The following YWHAG variants were observed in gnomAD, a reference collection of about 807,000 sequenced individuals.
YWHAG encodes tyrosine 3-monooxygenase/tryptophan 5-monooxygenase activation protein gamma, also known as 14-3-3 protein gamma.
YWHAG carries 1 observed loss-of-function variant against 23.3 expected under a neutral mutation model. That is an observed-to-expected ratio of 0.04 (90% CI 0.02 to 0.20). The LOEUF is 0.20. YWHAG is among the 10% of genes least tolerant of loss of function. The pLI is 1.00. For missense variants in YWHAG, 151 were observed against 338.6 expected (o/e 0.45, Z 4.35); for synonymous variants, 160 against 144.0 (o/e 1.11, Z -0.80).
At chr7:76,349,198 C>T (rs1370240697) in intron 1 of YWHAG, among the ~76,000 whole-genome samples, 2 of 151,794 alleles carry the variant, frequency 1.3e-5, no homozygotes, top group African/African-American at 4.8e-5. Context: ...AAAAGTTAGC[C>T]GGGCGTGGTG....
intron 1 of YWHAG, among the ~76,000 whole-genome samples, chr7:76,341,305 G>A (rs1803689900): frequency 6.8e-6 from 1 of 146,160 alleles, no homozygotes; most frequent in Non-Finnish European, 1.5e-5. Flanking sequence ...TCAGGAGGCT[G>A]AGACACGAGA....
At position 76,336,497 on chromosome 7, in the gene YWHAG, C is replaced by A. The variant is rs543749393; in HGVS notation, c.88-6264G>T. ...CTGAGACAGAGTTTCACTCTGTCACCCAGGCTGGAGTGTGATGGCACGATC... is the reference window on the plus strand; with the variant it reads ...CTGAGACAGAGTTTCACTCTGTCACACAGGCTGGAGTGTGATGGCACGATC... On this transcript the variant is annotated intron_variant, in intron 1 of 1. Transcript: ENST00000307630. Among the ~76,000 whole-genome samples, 95 of 149,740 alleles carry A rather than the reference C, an allele frequency of 6.3e-4. 1 individual carries two copies. Among genetic ancestry groups the A allele is most frequent in the African/African-American group, 2.3e-3 (94 of 40,366 alleles).
At chr7:76,347,742 A>G (rs1007773384) in intron 1 of YWHAG, among the ~76,000 whole-genome samples, 22 of 152,202 alleles carry the variant, frequency 1.4e-4, no homozygotes, top group African/African-American at 4.6e-4. Flanking sequence ...AAACTATATT[A>G]TTCTGGTTTT....
chr7:76,332,517 A>T (rs1458121252), intron 1 of YWHAG, among the ~76,000 whole-genome samples: 5 of 152,084 alleles, frequency 3.3e-5, no homozygotes, highest in Admixed American at 3.3e-4. Context: ...GACAAATAAG[A>T]AAGTCTTTTT....
chr7:76,339,891 C>A (rs1803665653), intron 1 of YWHAG, among the ~76,000 whole-genome samples: 1 of 152,088 alleles, frequency 6.6e-6, no homozygotes, highest in South Asian at 2.1e-4. Flanking sequence ...GAGTTCGAGA[C>A]CAGGCTGGCC....
intron 1 of YWHAG, among the ~76,000 whole-genome samples, chr7:76,355,797 C>T (rs370417361): frequency 6.6e-5 from 10 of 152,104 alleles, no homozygotes; most frequent in East Asian, 5.8e-4. Flanking sequence ...AATTAGTAAC[C>T]CTGAACCTTT....
intron 1 of YWHAG, among the ~76,000 whole-genome samples, chr7:76,354,350 A>G (rs758929398): frequency 2.6e-5 from 4 of 151,894 alleles, no homozygotes; most frequent in Non-Finnish European, 5.9e-5. Flanking sequence ...GTCTCTATCA[A>G]AACTACAAAA....
At chr7:76,358,179 A>G (rs879783814) in intron 1 of YWHAG, among the ~76,000 whole-genome samples, 1 of 152,008 alleles carries the variant, frequency 6.6e-6, no homozygotes, top group Non-Finnish European at 1.5e-5. Flanking sequence ...GAGACCCTAT[A>G]CAATGTTTCT....
intron 1 of YWHAG, among the ~76,000 whole-genome samples, chr7:76,341,396 T>G (rs1465153578): frequency 3.8e-5 from 4 of 104,404 alleles, no homozygotes; most frequent in Non-Finnish European, 7.1e-5. Flanking sequence ...AGGACAAGAC[T>G]CTTGCCTCAA....
In YWHAG at chr7:76,329,404, A is replaced by T; in HGVS notation, c.*173T>A. 3 of 760,132 alleles carry T rather than the reference A, an allele frequency of 3.9e-6. No homozygotes were observed. The highest frequency in any genetic ancestry group is 6.2e-6 in the Non-Finnish European group (3 of 486,376). The allele number at this position is 760,132 out of a possible 1,614,324, so 47.1% of individuals were successfully genotyped here. A position where few individuals can be genotyped will look rare whatever the true frequency, so the allele number is the denominator to read the frequency against. ...AGCACAGCTAGCCTGACTTTCCACT[A>T]GTGGTATTTTGGCAAAAATGTCAAA... On this transcript the variant is annotated 3_prime_UTR_variant, in exon 2 of 2. Transcript: ENST00000307630. The surrounding 1 kb of genome is among the most constrained non-coding windows in gnomAD (Gnocchi z 6.1).
At chr7:76,342,084 T>C (rs1185791520) in intron 1 of YWHAG, among the ~76,000 whole-genome samples, 1 of 152,226 alleles carries the variant, frequency 6.6e-6, no homozygotes, top group Non-Finnish European at 1.5e-5. Flanking sequence ...CTCTTACATT[T>C]AATCCTCCTC....
intron 1 of YWHAG, among the ~76,000 whole-genome samples, chr7:76,331,197 A>G (rs1280864322): frequency 1.3e-5 from 2 of 152,112 alleles, no homozygotes; most frequent in East Asian, 3.9e-4. Context: ...AGATCACTGC[A>G]GCCTCAACCT....
intron 1 of YWHAG, among the ~76,000 whole-genome samples, chr7:76,341,702 G>T (rs1031725311): frequency 2.6e-5 from 4 of 151,326 alleles, no homozygotes; most frequent in African/African-American, 9.7e-5. Flanking sequence ...CATAGAAATA[G>T]AAAGCAGATT....
chr7:76,338,943 G>T (rs958296619), intron 1 of YWHAG, among the ~76,000 whole-genome samples: 6 of 152,182 alleles, frequency 3.9e-5, no homozygotes, highest in African/African-American at 1.4e-4. Flanking sequence ...AAGCAGTCAA[G>T]GTTGATTAGG....
intron 1 of YWHAG, 99 bp from the exon 2 acceptor site, chr7:76,330,332 G>A: frequency 7.9e-7 from 1 of 1,260,134 alleles, no homozygotes; most frequent in Middle Eastern, 2.0e-4. Flanking sequence ...TGAGTAACAT[G>A]ATGAACAGAA....
intron 1 of YWHAG, among the ~76,000 whole-genome samples, chr7:76,336,272 G>T (rs780298765): frequency 9.2e-5 from 14 of 152,140 alleles, no homozygotes; most frequent in Non-Finnish European, 1.8e-4. Context: ...AGATCACCAA[G>T]AGTGAGCTCT....
chr7:76,345,183 G>C (rs1216507970), intron 1 of YWHAG, among the ~76,000 whole-genome samples: 3 of 150,446 alleles, frequency 2.0e-5, no homozygotes, highest in African/African-American at 4.9e-5. Context: ...CCTATCCTAA[G>C]GCTTTTTTTT....
chr7:76,338,278 C>A (rs1223937706), intron 1 of YWHAG, among the ~76,000 whole-genome samples: 1 of 152,128 alleles, frequency 6.6e-6, no homozygotes, highest in African/African-American at 2.4e-5. Context: ...GCAGCGATCA[C>A]CCTGGCTAAA....
chr7:76,330,196 C>T lies in YWHAG; in HGVS notation c.125G>A (p.Arg42Gln). The T allele has an allele frequency of 6.2e-7, 1 of 1,612,218 alleles. No homozygotes were observed. Among genetic ancestry groups the T allele is most frequent in the Non-Finnish European group, 8.5e-7 (1 of 1,179,570 alleles). The change falls in exon 2 of 2, where the codon CGA becomes CAA. Residue 42 changes from arginine to glutamine, a missense_variant. Physicochemically the swap from Arg to Gln is conservative, Grantham distance 43. Coordinates refer to ENST00000307630, the MANE Select transcript of YWHAG (RefSeq NM_012479.4). ...CTTGTAGGCCACAGACAGAAGGTTT[C>T]GTTCCTCATTCGACAGTGGCTCATT... is the stretch of plus-strand genomic sequence containing the variant. Reference protein sequence around the residue: ...ELNEPLSNEERNLLSVAYKNV... With the variant: ...ELNEPLSNEEQNLLSVAYKNV...
Sources: allele counts gnomAD v4.1 joint callset (sites outside exome capture counted in the v4.1 genomes callset), GRCh38; gene constraint gnomAD v4.1.1; non-coding constraint Gnocchi (gnomAD v3.1); transcripts MANE v1.5; gene names NCBI Gene and HGNC (gene_info 2026-07-23, HGNC 2026-07-21).